RFC3: variants seen among roughly 807,000 people sequenced by gnomAD.
RFC3 encodes the protein replication factor C subunit 3, also known as A1 38 kDa subunit.
Under a neutral mutation model 45.1 loss-of-function variants are expected in RFC3, and 41 were observed. The observed-to-expected ratio is 0.91, with a 90% confidence interval of 0.71 to 1.18. The LOEUF is 1.18. RFC3 is among the 50% of genes most tolerant of loss of function. The pLI is 0.00. For missense variants in RFC3, 423 were observed against 428.1 expected, an observed-to-expected ratio of 0.99 and a Z score of 0.10; for synonymous variants, 149 against 144.0, an observed-to-expected ratio of 1.03 and a Z score of -0.25.
At chr13:33,893,668 TG>T (rs1746665546) in intron 8 of RFC3, among the ~76,000 whole-genome samples, 1 of 152,040 alleles carries the variant, frequency 6.6e-6, no homozygotes, top group South Asian at 2.1e-4. Flanking sequence ...ACTAATTTTA[TG>T]AAGACTGAAA....
intron 8 of RFC3, among the ~76,000 whole-genome samples, chr13:33,907,024 G>A (rs2082676050): frequency 6.6e-6 from 1 of 151,928 alleles, no homozygotes; most frequent in South Asian, 2.1e-4. Flanking sequence ...TAGTGATAGG[G>A]TCTCACTATG....
intron 8 of RFC3, among the ~76,000 whole-genome samples, chr13:33,943,514 A>C (rs947923295): frequency 6.6e-6 from 1 of 152,190 alleles, no homozygotes; most frequent in African/African-American, 2.4e-5. Flanking sequence ...AGACATGATG[A>C]ATATTTGAGG....
At chr13:33,975,614 G>T in the RFC3 span, among the ~76,000 whole-genome samples, 1 of 152,240 alleles carries the variant, frequency 6.6e-6, no homozygotes, top group African/African-American at 2.4e-5. Context: ...TATTACAAAT[G>T]TACGAAACAA....
chr13:33,962,638 C>T (rs2083064375), intron 8 of RFC3, among the ~76,000 whole-genome samples: 1 of 152,096 alleles, frequency 6.6e-6, no homozygotes, highest in Non-Finnish European at 1.5e-5. Flanking sequence ...AAAATACTAT[C>T]CAACCATCAG....
At chr13:33,957,367 A>G (rs1049064773) in intron 8 of RFC3, among the ~76,000 whole-genome samples, 1 of 152,156 alleles carries the variant, frequency 6.6e-6, no homozygotes, top group Admixed American at 6.5e-5. Flanking sequence ...ATTATTTAGG[A>G]CCTATATTTT....
chr13:33,920,215 C>T (rs2137729999), intron 8 of RFC3, among the ~76,000 whole-genome samples: 1 of 152,178 alleles, frequency 6.6e-6, no homozygotes, highest in African/African-American at 2.4e-5. Flanking sequence ...CGGGACAAGC[C>T]TGACCTGGAA....
At chr13:33,966,303 G>A (rs2083087584) in exon 9 of RFC3, 2 of 624,440 alleles carry the variant, frequency 3.2e-6, no homozygotes, top group Non-Finnish European at 5.8e-6. Flanking sequence ...CACTGTGCTG[G>A]TTAGGTCCAC....
At chr13:33,848,788 T>C (rs374864563) in intron 8 of RFC3, 16 of 152,214 alleles carry the variant, frequency 1.1e-4, no homozygotes, top group African/African-American at 3.6e-4. Context: ...AAACAGCTAT[T>C]TGTGCATTTA....
the RFC3 span, among the ~76,000 whole-genome samples, chr13:33,973,898 C>T: frequency 1.9e-3 from 294 of 152,134 alleles, 3 homozygotes; most frequent in Non-Finnish European, 1.8e-3. Context: ...TGACCTGCAA[C>T]CTCTCTTTTT....
intron 8 of RFC3, among the ~76,000 whole-genome samples, chr13:33,865,920 G>A (rs533258012): frequency 2.0e-5 from 3 of 151,918 alleles, no homozygotes; most frequent in East Asian, 1.9e-4. Flanking sequence ...TTAGCTGGGC[G>A]TGGTGGCTCA....
At chr13:33,886,055 T>C (rs1436505020) in intron 8 of RFC3, among the ~76,000 whole-genome samples, 1 of 150,122 alleles carries the variant, frequency 6.7e-6, no homozygotes, top group Non-Finnish European at 1.5e-5. Context: ...TCAAGGAGAG[T>C]CTTCTCAACT....
In RFC3 at chr13:33,821,710, A is replaced by G. The variant is rs3135558; in HGVS notation, c.225+441A>G. Among the ~76,000 whole-genome samples, 252 of 152,338 alleles carry G rather than the reference A, an allele frequency of 1.7e-3. 14 individuals carry two copies. In the East Asian group the frequency reaches 0.044, roughly 27 times the overall value. On this transcript the variant is annotated intron_variant, in intron 2 of 8. Coordinates refer to ENST00000380071, the MANE Select transcript of RFC3 (RefSeq NM_002915.4). Reference sequence around the variant, plus strand: ...GGAAAGGAGGCCTGCAACTCTGGGAAGTTGAGAGGCTTTCTGTGATCTTGC... The same window carrying G: ...GGAAAGGAGGCCTGCAACTCTGGGAGGTTGAGAGGCTTTCTGTGATCTTGC...
chr13:33,862,950 C>G (rs755159083), intron 8 of RFC3, among the ~76,000 whole-genome samples: 1 of 152,152 alleles, frequency 6.6e-6, no homozygotes, highest in Non-Finnish European at 1.5e-5. Context: ...CCAATGCTGT[C>G]AGATTCTATT....
intron 8 of RFC3, chr13:33,846,083 A>G (rs903084709): frequency 2.6e-5 from 4 of 152,206 alleles, no homozygotes; most frequent in African/African-American, 9.7e-5. Flanking sequence ...ATTACTAATC[A>G]GAGACTCTTG....
intron 8 of RFC3, among the ~76,000 whole-genome samples, chr13:33,898,269 G>A (rs878891643): frequency 2.0e-5 from 3 of 151,740 alleles, no homozygotes; most frequent in Admixed American, 2.0e-4. Flanking sequence ...CATTAAATAA[G>A]CCTCAACAAA....
chr13:33,892,579 G>A (rs987539406), intron 8 of RFC3, among the ~76,000 whole-genome samples: 1 of 151,950 alleles, frequency 6.6e-6, no homozygotes, highest in Non-Finnish European at 1.5e-5. Flanking sequence ...AAACATCTGA[G>A]CCTATAATTC....
At chr13:33,824,114 A>G (rs1319888065) in intron 3 of RFC3, 130 bp downstream of exon 3, 2 of 520,150 alleles carry the variant, frequency 3.8e-6, no homozygotes, top group Non-Finnish European at 6.9e-6. Flanking sequence ...AAAACAGACT[A>G]AAGTGGAGCT....
intron 8 of RFC3, among the ~76,000 whole-genome samples, chr13:33,851,010 C>T (rs544354744): frequency 6.6e-6 from 1 of 152,160 alleles, no homozygotes; most frequent in Admixed American, 6.5e-5. Context: ...TACTAATTGC[C>T]TGATTCAGCA....
At chr13:33,834,323 T>TACAC (rs1382321244) in intron 7 of RFC3, among the ~76,000 whole-genome samples, 1 of 116,698 alleles carries the variant, frequency 8.6e-6, no homozygotes, top group Non-Finnish European at 1.7e-5. Context: ...TATATATATA[T>TACAC]ATATATATCT....
Sources: allele counts gnomAD v4.1 joint callset (sites outside exome capture counted in the v4.1 genomes callset), GRCh38; gene constraint gnomAD v4.1.1; transcripts MANE v1.5; gene names NCBI Gene and HGNC (gene_info 2026-07-23, HGNC 2026-07-21).